Variants in BAK1 observed in about 807,000 individuals in gnomAD.
BAK1 encodes the protein bcl-2 homologous antagonist/killer.
A neutral mutation model predicts 24.7 loss-of-function variants in BAK1; 19 were observed. That is an observed-to-expected ratio of 0.77 (90% CI 0.54 to 1.13). The LOEUF is 1.13. Among genes scored for constraint, BAK1 ranks in the 50% most tolerant of loss-of-function variants. BAK1 has a pLI of 0.00. For missense variants in BAK1, 194 were observed against 279.4 expected (o/e 0.69, Z 2.18); for synonymous variants, 86 against 107.3 (o/e 0.80, Z 1.23).
Position 33,577,017 on chromosome 6 carries a change from G to A in BAK1, c.70+518C>T, listed in dbSNP as rs1762859533. ...CAGAAAAGTCACACAGGGAGATAGT[G>A]ACAGACCTGGGACCTGATTCCCAAG... On this transcript the variant is annotated intron_variant, in intron 2 of 5. Transcript: ENST00000374467. This position sits in a 1 kb window ranked among gnomAD's most constrained non-coding sequence, Gnocchi z 4.6. Among the ~76,000 whole-genome samples, 1 of 152,188 alleles carries A rather than the reference G, an allele frequency of 6.6e-6. No individual in the cohort carries two copies. The highest frequency in any genetic ancestry group is 1.5e-5 in the Non-Finnish European group (1 of 68,028).
chr6:33,576,531 G>C (rs1339058674), intron 2 of BAK1, among the ~76,000 whole-genome samples: 9 of 151,842 alleles, frequency 5.9e-5, no homozygotes, highest in Admixed American at 3.3e-4. Flanking sequence ...TACTCGGGAG[G>C]CTGAGGCAGG....
chr6:33,574,390 G>A (rs1025171106), intron 4 of BAK1, 176 bp from the exon 5 acceptor site: 1 of 1,463,694 alleles, frequency 6.8e-7, no homozygotes, highest in African/African-American at 1.4e-5. Flanking sequence ...TCTGCGAAAG[G>A]AGAAAGCTCA....
At chr6:33,576,011 G>T in intron 2 of BAK1, 83 bp from the exon 3 acceptor site, 1 of 1,574,900 alleles carries the variant, frequency 6.3e-7, no homozygotes. Flanking sequence ...TCTTCCTAAG[G>T]CCATAGCTGT....
chr6:33,574,597 T>G, intron 4 of BAK1: 1 of 1,269,538 alleles, frequency 7.9e-7, no homozygotes, highest in Non-Finnish European at 1.0e-6. Flanking sequence ...CACAGTGGTA[T>G]GAAGGCTGGC....
rs210139 is a variant in BAK1 at position 33,575,632 on chromosome 6, A to C, written c.206+161T>G. Among the ~76,000 whole-genome samples, 68,695 of 151,776 alleles carry C rather than the reference A, an allele frequency of 0.45. 16,171 individuals carry two copies. The highest frequency in any genetic ancestry group is 0.74 in the East Asian group (3,804 of 5,148). ...GGCAGGCATGGGCTAAAAAGGATAC[A>C]AGGTCCTGGATGGGGGTGGGAGCCC... On this transcript the variant is annotated intron_variant, in intron 3 of 5. Coordinates refer to ENST00000374467, the MANE Select transcript of BAK1 (RefSeq NM_001188.4). The surrounding 1 kb of genome is among the most constrained non-coding windows in gnomAD (Gnocchi z 6.3).
At position 33,578,447 on chromosome 6, in the gene BAK1, T is replaced by C. The variant is rs1217089691; in HGVS notation, c.-31-812A>G. On this transcript the variant is annotated intron_variant, in intron 1 of 5. Transcript: ENST00000374467. This position sits in a 1 kb window ranked among gnomAD's most constrained non-coding sequence, Gnocchi z 4.8. ...GTTTGTCTGAATCTCCGTGAGTCCA[T>C]GTACTCAACACGCATGCAAGATTTC... Among the ~76,000 whole-genome samples, 3 of 152,208 alleles carry C rather than the reference T, an allele frequency of 2.0e-5. No homozygotes were observed. Among genetic ancestry groups the C allele is most frequent in the Non-Finnish European group, 2.9e-5 (2 of 68,024 alleles).
In BAK1 at chr6:33,578,333, C is replaced by T. The variant is rs968003757; in HGVS notation, c.-31-698G>A. ...ACTCACATGAACCCAGCAGGGTGAG[C>T]GCCATCATACCCACTTTACAGGCAG... On this transcript the variant is annotated intron_variant, in intron 1 of 5. Transcript: ENST00000374467. The surrounding 1 kb of genome is among the most constrained non-coding windows in gnomAD (Gnocchi z 4.8). Among the ~76,000 whole-genome samples, 3 of 152,128 alleles carry T rather than the reference C, an allele frequency of 2.0e-5. No individual in the cohort carries two copies. Among genetic ancestry groups the T allele is most frequent in the Non-Finnish European group, 4.4e-5 (3 of 68,022 alleles).
At position 33,578,924 on chromosome 6, in the gene BAK1, G is replaced by T. The variant is rs5745580; in HGVS notation, c.-32+1101C>A. Among the ~76,000 whole-genome samples the T allele has an allele frequency of 0.012, 1,864 of 151,878 alleles. 49 individuals carry two copies. The highest frequency in any genetic ancestry group is 0.042 in the African/African-American group (1,725 of 41,390). On this transcript the variant is annotated intron_variant, in intron 1 of 5. Coordinates refer to ENST00000374467, the MANE Select transcript of BAK1 (RefSeq NM_001188.4). The surrounding 1 kb of genome is among the most constrained non-coding windows in gnomAD (Gnocchi z 4.8). ...GGGGACCTTCGCCCACCCTCCTTCC[G>T]CTAGGCCTGGGAGTGTTTTCGAAAG... is the stretch of plus-strand genomic sequence containing the variant.
chr6:33,579,237 T>C (rs1232571168), intron 1 of BAK1, among the ~76,000 whole-genome samples: 2 of 152,096 alleles, frequency 1.3e-5, no homozygotes, highest in African/African-American at 4.8e-5. Flanking sequence ...TCCCAGCTAC[T>C]CGGGAGGCTG....
At chr6:33,574,272 G>C in intron 4 of BAK1, 58 bp from the exon 5 acceptor site, 1 of 1,573,018 alleles carries the variant, frequency 6.4e-7, no homozygotes, top group Non-Finnish European at 8.7e-7. Flanking sequence ...CCTTCAGCCT[G>C]CCTGGCCTCT....
At chr6:33,576,823 C>T (rs1404562724) in intron 2 of BAK1, among the ~76,000 whole-genome samples, 4 of 152,160 alleles carry the variant, frequency 2.6e-5, no homozygotes, top group Non-Finnish European at 4.4e-5. Context: ...GGGAAAATGG[C>T]ACAGGGTGTC....
rs1040918531 is a variant in BAK1 at position 33,577,746 on chromosome 6, A to G, written c.-31-111T>C. ...AGGAGAGAGGATCCCCCATTCCCAG[A>G]AAGGCCCTTAGTCCTCTGGGACTTT... On this transcript the variant is annotated intron_variant, in intron 1 of 5. Coordinates refer to ENST00000374467, the MANE Select transcript of BAK1 (RefSeq NM_001188.4). This position sits in a 1 kb window ranked among gnomAD's most constrained non-coding sequence, Gnocchi z 4.6. 3 of 725,058 alleles carry G rather than the reference A, an allele frequency of 4.1e-6. No homozygotes were observed. Among genetic ancestry groups the G allele is most frequent in the Non-Finnish European group, 6.5e-6 (3 of 460,692 alleles). 44.9% of individuals were successfully genotyped at this position (725,058 alleles called of 1,614,324 possible).
rs1387739044 is a variant in BAK1 at position 33,575,145 on chromosome 6, AG to A, written c.350+152del. On this transcript the variant is annotated intron_variant, in intron 4 of 5. Coordinates refer to ENST00000374467, the MANE Select transcript of BAK1 (RefSeq NM_001188.4). This position sits in a 1 kb window ranked among gnomAD's most constrained non-coding sequence, Gnocchi z 6.3. ...GTCTGGGACCCCGAAAGAGAAAAAT[AG>A]GGGGCCGAGACCACATGTGAGTTCA... 8.5e-7 allele frequency: 1 copy of A among 1,172,598 alleles called. No individual in the cohort carries two copies. The highest frequency in any genetic ancestry group is 2.5e-5 in the East Asian group (1 of 39,918). 72.6% of individuals were successfully genotyped at this position (1,172,598 alleles called of 1,614,324 possible).
chr6:33,575,606 G>C lies in BAK1; in HGVS notation c.207-165C>G. The C allele has an allele frequency of 8.0e-7, 1 of 1,243,344 alleles. No homozygotes were observed. Among genetic ancestry groups the C allele is most frequent in the Non-Finnish European group, 1.1e-6 (1 of 896,272 alleles). The allele number at this position is 1,243,344 out of a possible 1,614,324, so 77.0% of individuals were successfully genotyped here. A position where few individuals can be genotyped will look rare whatever the true frequency, so the allele number is the denominator to read the frequency against. On this transcript the variant is annotated intron_variant, in intron 3 of 5. Transcript: ENST00000374467. The surrounding 1 kb of genome is among the most constrained non-coding windows in gnomAD (Gnocchi z 6.3). ...CATGAGTGCTGGGCTCCAGGAGAAGGGGCAGGCATGGGCTAAAAAGGATAC... is the reference window on the plus strand; with the variant it reads ...CATGAGTGCTGGGCTCCAGGAGAAGCGGCAGGCATGGGCTAAAAAGGATAC...
chr6:33,574,450 G>A lies in BAK1; in HGVS notation c.351-236C>T, dbSNP rs1241353299. On this transcript the variant is annotated intron_variant, in intron 4 of 5. Coordinates refer to ENST00000374467, the MANE Select transcript of BAK1 (RefSeq NM_001188.4). ...GCTGGGGTGTACGCTCAGGTGCAAC[G>A]GGGCACAGAGAGGGCAGAGGGCAGA... 5.6e-5 allele frequency: 84 copies of A among 1,501,976 alleles called. No homozygotes were observed. The East Asian group carries it at 1.5e-3, about 26-fold the overall frequency. The allele number at this position is 1,501,976 out of a possible 1,614,324, so 93.0% of individuals were successfully genotyped here.
chr6:33,573,978 C>T, intron 5 of BAK1, 56 bp downstream of exon 5: 1 of 1,613,130 alleles, frequency 6.2e-7, no homozygotes, highest in South Asian at 1.1e-5. Context: ...GGGGTGGGGC[C>T]TGGGAGAGGG....
intron 2 of BAK1, among the ~76,000 whole-genome samples, chr6:33,576,492 G>A (rs1024205487): frequency 4.6e-5 from 7 of 151,524 alleles, no homozygotes; most frequent in African/African-American, 7.3e-5. Context: ...AATTAGCCAG[G>A]CGTGGTGGGA....
chr6:33,575,230 G>A lies in BAK1; in HGVS notation c.350+68C>T. 1 of 1,605,152 alleles carries A rather than the reference G, an allele frequency of 6.2e-7. No individual in the cohort carries two copies. ...CCCATGCCAGGAGAGCATCATGCAG[G>A]CAGGGTATGGTATGGTTGTGACATG... On this transcript the variant is annotated intron_variant, in intron 4 of 5. Transcript: ENST00000374467. The surrounding 1 kb of genome is among the most constrained non-coding windows in gnomAD (Gnocchi z 6.3).
chr6:33,576,650 A>T, intron 2 of BAK1, among the ~76,000 whole-genome samples: 1 of 151,126 alleles, frequency 6.6e-6, no homozygotes, highest in East Asian at 1.9e-4. Flanking sequence ...AAAACAAAAC[A>T]AAACAACAAC....
Sources: allele counts gnomAD v4.1 joint callset (sites outside exome capture counted in the v4.1 genomes callset), GRCh38; gene constraint gnomAD v4.1.1; non-coding constraint Gnocchi (gnomAD v3.1); transcripts MANE v1.5; gene names NCBI Gene and HGNC (gene_info 2026-07-23, HGNC 2026-07-21).